Variants in AKR1B1 observed in about 807,000 individuals in gnomAD.
AKR1B1 encodes the protein aldo-keto reductase family 1 member B1.
AKR1B1 carries 22 observed loss-of-function variants against 40.4 expected under a neutral mutation model. The ratio of observed to expected loss-of-function variants is 0.54; its 90% CI spans 0.39 to 0.78. The LOEUF is 0.78. Among genes scored for constraint, AKR1B1 ranks in the 30% least tolerant of loss-of-function variants. AKR1B1 has a pLI of 0.00. For synonymous variants in AKR1B1, 157 were observed against 149.9 expected, an observed-to-expected ratio of 1.05 and a Z score of -0.35; for missense variants, 357 against 396.7, an observed-to-expected ratio of 0.90 and a Z score of 0.85.
At chr7:134,454,133 A>T (rs1465189486) in intron 1 of AKR1B1, among the ~76,000 whole-genome samples, 1 of 152,348 alleles carries the variant, frequency 6.6e-6, no homozygotes, top group East Asian at 1.9e-4. Flanking sequence ...GCTCAATCAT[A>T]CAAATCCTAC....
intron 1 of AKR1B1, among the ~76,000 whole-genome samples, chr7:134,455,536 T>A (rs1001879609): frequency 3.3e-5 from 5 of 152,212 alleles, no homozygotes; most frequent in African/African-American, 1.2e-4. Context: ...ATCATCTCTG[T>A]TTTAAAAGCT....
Position 134,459,027 on chromosome 7 carries a change from C to T in AKR1B1, c.36G>A (p.Lys12=), listed in dbSNP as rs1364132353. 3 of 1,608,710 alleles carry T rather than the reference C, an allele frequency of 1.9e-6. No individual in the cohort carries two copies. Among genetic ancestry groups the T allele is most frequent in the African/African-American group, 2.7e-5 (2 of 74,788 alleles). Residue 12 remains lysine (K), a synonymous_variant, in exon 1 of 10, where the codon AAG becomes AAA. Coordinates refer to ENST00000285930, the MANE Select transcript of AKR1B1 (RefSeq NM_001628.4). The part of the protein sequence containing the change: ...ASRLLLNNGA[K]MPILGLGTWK... ...AGGTACCCAACCCCAGGATGGGCAT[C>T]TTGGCGCCGTTGTTGAGCAGGAGAC...
chr7:134,444,442 G>A (rs1441604227), intron 9 of AKR1B1, among the ~76,000 whole-genome samples: 2 of 152,238 alleles, frequency 1.3e-5, no homozygotes, highest in African/African-American at 2.4e-5. Flanking sequence ...ACAGACGCTG[G>A]AAAGGGAAAG....
intron 9 of AKR1B1, among the ~76,000 whole-genome samples, chr7:134,443,209 C>T (rs746726797): frequency 2.0e-5 from 3 of 152,234 alleles, no homozygotes; most frequent in African/African-American, 4.8e-5. Context: ...TAGGGGTTTG[C>T]GACTAGCCTG....
chr7:134,447,138 G>A (rs150690133), intron 8 of AKR1B1, among the ~76,000 whole-genome samples, 160 bp downstream of exon 8: 10 of 152,314 alleles, frequency 6.6e-5, no homozygotes, highest in Non-Finnish European at 1.3e-4. Context: ...CTCCACTGGT[G>A]AGGTGTCAGT....
At chr7:134,454,100 G>C (rs1192029172) in intron 1 of AKR1B1, among the ~76,000 whole-genome samples, 1 of 152,210 alleles carries the variant, frequency 6.6e-6, no homozygotes, top group Non-Finnish European at 1.5e-5. Flanking sequence ...TAGAAATGCA[G>C]TATATGAAAC....
intron 1 of AKR1B1, among the ~76,000 whole-genome samples, chr7:134,458,720 G>GCAACC: frequency 6.6e-6 from 1 of 152,248 alleles, no homozygotes; most frequent in Non-Finnish European, 1.5e-5. Context: ...GCCCATCAAG[G>GCAACC]GTTGCCCGCG....
intron 6 of AKR1B1, 34 bp from the exon 7 acceptor site, chr7:134,448,095 C>T (rs752283676): frequency 3.2e-6 from 5 of 1,555,162 alleles, no homozygotes; most frequent in African/African-American, 1.4e-5. Context: ...GTCACACCAT[C>T]ATGGCCACCA....
At position 134,450,928 on chromosome 7, in the gene AKR1B1, A is replaced by G. The variant is rs927365130; in HGVS notation, c.235-26T>C. On this transcript the variant is annotated intron_variant, in intron 2 of 9. Transcript: ENST00000285930. ...CTAAGCCAGCGAGAGGGCACATGTCATCATTGCCAGCCACAAGGCAGCTTC... is the reference window on the plus strand; with the variant it reads ...CTAAGCCAGCGAGAGGGCACATGTCGTCATTGCCAGCCACAAGGCAGCTTC... The G allele has an allele frequency of 1.9e-6, 3 of 1,589,396 alleles. No homozygotes were observed. In the Admixed American group the frequency reaches 5.0e-5, roughly 27 times the overall value.
intron 1 of AKR1B1, among the ~76,000 whole-genome samples, chr7:134,453,268 C>T (rs1332350175): frequency 1.3e-5 from 2 of 152,204 alleles, no homozygotes; most frequent in Admixed American, 6.5e-5. Context: ...AGCCTAGCCA[C>T]GCACTGCCTG....
At chr7:134,447,807 T>A (rs1806149253) in intron 7 of AKR1B1, 173 bp downstream of exon 7, 1 of 714,908 alleles carries the variant, frequency 1.4e-6, no homozygotes, top group Non-Finnish European at 2.6e-6. Flanking sequence ...TAAGAGCCCA[T>A]GCCAGAGTCT....
chr7:134,454,936 T>A (rs1291865493), intron 1 of AKR1B1, among the ~76,000 whole-genome samples: 2 of 152,200 alleles, frequency 1.3e-5, no homozygotes, highest in Non-Finnish European at 2.9e-5. Context: ...GGACTGACCC[T>A]GTAGGGGCAG....
At chr7:134,443,574 G>A (rs1806005728) in intron 9 of AKR1B1, among the ~76,000 whole-genome samples, 1 of 151,336 alleles carries the variant, frequency 6.6e-6, no homozygotes, top group South Asian at 2.1e-4. Flanking sequence ...ACAGGGCAGG[G>A]AGCACAGGGC....
intron 1 of AKR1B1, among the ~76,000 whole-genome samples, chr7:134,458,418 C>A (rs943934572): frequency 6.6e-6 from 1 of 152,104 alleles, no homozygotes; most frequent in Non-Finnish European, 1.5e-5. Context: ...CAGCTGGGTC[C>A]GGGCAAACTC....
At position 134,444,921 on chromosome 7, in the gene AKR1B1, G is replaced by A; in HGVS notation, c.908+317C>T. The A allele has an allele frequency of 6.3e-6, 3 of 475,850 alleles. No individual in the cohort carries two copies. The South Asian group carries it at 6.7e-5, about 11-fold the overall frequency. The allele number at this position is 475,850 out of a possible 1,614,324, so 29.5% of individuals were successfully genotyped here. On this transcript the variant is annotated intron_variant, in intron 9 of 9. Coordinates refer to ENST00000285930, the MANE Select transcript of AKR1B1 (RefSeq NM_001628.4). The stretch of plus-strand genomic sequence containing the variant: ...AAATTCTTCCAGAGTTTGATCCAGG[G>A]TCACCTGGGATCACCTAGTTTCAGA...
chr7:134,457,060 C>T (rs1486565140), intron 1 of AKR1B1, among the ~76,000 whole-genome samples: 1 of 151,956 alleles, frequency 6.6e-6, no homozygotes, highest in Admixed American at 6.6e-5. Context: ...ACCACTTGAG[C>T]CCAAGAGGTT....
chr7:134,449,848 C>T lies in AKR1B1; in HGVS notation c.352-51G>A, dbSNP rs760769674. 8 of 1,456,750 alleles carry T rather than the reference C, an allele frequency of 5.5e-6. No homozygotes were observed. In the African/African-American group the frequency reaches 8.3e-5, roughly 15 times the overall value. The allele number at this position is 1,456,750 out of a possible 1,614,324, so 90.2% of individuals were successfully genotyped here. A position where few individuals can be genotyped will look rare whatever the true frequency, so the allele number is the denominator to read the frequency against. On this transcript the variant is annotated intron_variant, in intron 3 of 9. Coordinates refer to ENST00000285930, the MANE Select transcript of AKR1B1 (RefSeq NM_001628.4). Reference sequence around the variant, plus strand: ...AACAAAACAATCAGTAATAGTCCTTCACAGACCTGCTGGGGGAAGCTGGCA... The same window carrying T: ...AACAAAACAATCAGTAATAGTCCTTTACAGACCTGCTGGGGGAAGCTGGCA...
rs201357441 is a variant in AKR1B1 at position 134,450,816 on chromosome 7, G to C, written c.321C>G (p.Leu107=). The change falls in exon 3 of 10, where the codon CTC becomes CTG. Residue 107 remains leucine, a synonymous_variant. Transcript: ENST00000285930. ...AGCCAGTCGGCCAGTGAATAAGGTAGAGGTCCAGGTAGTCCAGCTTCAGGT... is the reference window on the plus strand; with the variant it reads ...AGCCAGTCGGCCAGTGAATAAGGTACAGGTCCAGGTAGTCCAGCTTCAGGT... The part of the protein sequence containing the change: ...LSDLKLDYLD[L]YLIHWPTGFK... 49 of 1,614,058 alleles carry C rather than the reference G, an allele frequency of 3.0e-5. No individual in the cohort carries two copies. Among genetic ancestry groups the C allele is most frequent in the Non-Finnish European group, 3.6e-5 (43 of 1,180,044 alleles).
At chr7:134,458,588 C>A (rs1806563919) in intron 1 of AKR1B1, among the ~76,000 whole-genome samples, 1 of 152,214 alleles carries the variant, frequency 6.6e-6, no homozygotes. Context: ...ACCTTGCCGA[C>A]GGCTCCACGT....
Sources: allele counts gnomAD v4.1 joint callset (sites outside exome capture counted in the v4.1 genomes callset), GRCh38; gene constraint gnomAD v4.1.1; transcripts MANE v1.5; gene names NCBI Gene and HGNC (gene_info 2026-07-23, HGNC 2026-07-21).